Variants in WDFY4 observed in about 807,000 individuals in gnomAD.
WDFY4 encodes WD repeat- and FYVE domain-containing protein 4.
A neutral mutation model predicts 351.9 loss-of-function variants in WDFY4; 169 were observed. The observed-to-expected ratio is 0.48, with a 90% CI of 0.42 to 0.55. The LOEUF (loss-of-function observed/expected upper bound fraction) is 0.55. Ranked by LOEUF, WDFY4 falls within the 20% of genes least tolerant of loss-of-function variation. The pLI is 0.00. For missense variants in WDFY4, 3,803 were observed against 3,935.6 expected (o/e 0.97, Z 0.90); for synonymous variants, 1,622 against 1,574.6 (o/e 1.03, Z -0.71).
At chr10:48,914,199 G>A (rs753788763) in intron 47 of WDFY4, 19 of 1,570,384 alleles carry the variant, frequency 1.2e-5, no homozygotes, top group Admixed American at 1.8e-5. Context: ...GTTCTGATTG[G>A]ATAGTGATCA....
At chr10:48,760,481 G>C in intron 13 of WDFY4, 41 bp downstream of exon 13, 1 of 1,538,586 alleles carries the variant, frequency 6.5e-7, no homozygotes, top group Non-Finnish European at 8.8e-7. Context: ...ATCTTCACAT[G>C]ACTGATCTCT....
chr10:48,800,661 T>G (rs916423273), intron 24 of WDFY4, among the ~76,000 whole-genome samples: 2 of 151,056 alleles, frequency 1.3e-5, no homozygotes, highest in Non-Finnish European at 3.0e-5. Flanking sequence ...TTCTAAGTCT[T>G]AGGTTTTGGT....
intron 32 of WDFY4, among the ~76,000 whole-genome samples, chr10:48,819,668 A>G (rs1257604701): frequency 1.3e-5 from 2 of 152,168 alleles, no homozygotes; most frequent in Admixed American, 1.3e-4. Context: ...AAAATAGTGG[A>G]TGCCAAAGTG....
At chr10:48,835,270 A>AG (rs1007632040) in intron 39 of WDFY4, among the ~76,000 whole-genome samples, 42 of 152,208 alleles carry the variant, frequency 2.8e-4, no homozygotes, top group African/African-American at 9.6e-4. Context: ...TAAGGCAGGG[A>AG]GGGGGGCGAG....
chr10:48,810,465 T>C (rs1436856961), intron 28 of WDFY4, 65 bp from the exon 29 acceptor site: 4 of 1,450,930 alleles, frequency 2.8e-6, no homozygotes, highest in African/African-American at 2.9e-5. Context: ...GGACATTTCA[T>C]ATTTTCTGGA....
chr10:48,845,294 C>T (rs375633160), intron 39 of WDFY4, among the ~76,000 whole-genome samples: 1 of 152,212 alleles, frequency 6.6e-6, no homozygotes, highest in East Asian at 1.9e-4. Context: ...CTACCAAACC[C>T]CTGTCCCCAC....
intron 57 of WDFY4, among the ~76,000 whole-genome samples, chr10:48,971,687 A>G (rs540183759): frequency 1.3e-4 from 20 of 152,118 alleles, no homozygotes. Flanking sequence ...CAGGGCATGG[A>G]GGGTGCTGCG....
At chr10:48,835,304 G>A (rs1203861917) in intron 39 of WDFY4, among the ~76,000 whole-genome samples, 1 of 152,210 alleles carries the variant, frequency 6.6e-6, no homozygotes, top group Non-Finnish European at 1.5e-5. Flanking sequence ...TTGTTCAGAT[G>A]GAGAAGGTCA....
chr10:48,899,605 C>T (rs900027922), intron 45 of WDFY4, among the ~76,000 whole-genome samples: 4 of 152,030 alleles, frequency 2.6e-5, no homozygotes, highest in African/African-American at 9.7e-5. Context: ...CTCACTCTAT[C>T]TCTTATTCCA....
intron 47 of WDFY4, among the ~76,000 whole-genome samples, chr10:48,934,383 A>T (rs956047253): frequency 6.6e-6 from 1 of 152,218 alleles, no homozygotes; most frequent in Non-Finnish European, 1.5e-5. Flanking sequence ...ACTGCCTGAC[A>T]TGTCGATTTT....
intron 39 of WDFY4, among the ~76,000 whole-genome samples, chr10:48,833,544 A>G (rs2068271657): frequency 6.6e-6 from 1 of 152,218 alleles, no homozygotes; most frequent in Admixed American, 6.5e-5. Flanking sequence ...ATTCTGCCCA[A>G]GTTCAAGGGA....
intron 53 of WDFY4, among the ~76,000 whole-genome samples, chr10:48,963,438 G>T (rs185544441): frequency 6.6e-6 from 1 of 152,150 alleles, no homozygotes; most frequent in South Asian, 2.1e-4. Context: ...CTTAGCCTCC[G>T]CCTCCTGACA....
chr10:48,903,275 C>A lies in WDFY4; in HGVS notation c.7586+1412C>A, dbSNP rs548059573. On this transcript the variant is annotated intron_variant, in intron 47 of 61. Coordinates refer to ENST00000325239, the MANE Select transcript of WDFY4 (RefSeq NM_001394531.1). Reference sequence around the variant, plus strand: ...GATAGTTGGTGCAAGATTCTCATGTCGGTTTTTATTCCAAATAGATGGGAA... The same window carrying A: ...GATAGTTGGTGCAAGATTCTCATGTAGGTTTTTATTCCAAATAGATGGGAA... 2.6e-5 allele frequency among the ~76,000 whole-genome samples: 4 copies of A among 152,186 alleles called. No individual in the cohort carries two copies. In the South Asian group the frequency reaches 8.3e-4, roughly 32 times the overall value.
intron 12 of WDFY4, among the ~76,000 whole-genome samples, chr10:48,754,768 C>T (rs972942171): frequency 6.6e-6 from 1 of 152,020 alleles, no homozygotes; most frequent in Non-Finnish European, 1.5e-5. Flanking sequence ...AGTATTTGCT[C>T]AGTTGATTTG....
intron 13 of WDFY4, 58 bp from the exon 14 acceptor site, chr10:48,774,400 A>G: frequency 6.5e-7 from 1 of 1,533,754 alleles, no homozygotes; most frequent in South Asian, 1.2e-5. Flanking sequence ...AGCCTATAAA[A>G]GCTGTCCACA....
rs138371345 is a variant in WDFY4 at position 48,811,438 on chromosome 10, G to T, written c.5045-101G>T. ...ATATTTTATCATCCAGCATTTCTAT[G>T]GGATGGGTGGGTGGCCGGGTGTTCC... On this transcript the variant is annotated intron_variant, in intron 29 of 61. Transcript: ENST00000325239. 195 of 985,544 alleles carry T rather than the reference G, an allele frequency of 2.0e-4. 2 individuals are homozygous for T. The East Asian group carries it at 4.4e-3, about 22-fold the overall frequency. 61.0% of individuals were successfully genotyped at this position (985,544 alleles called of 1,614,324 possible). A position where few individuals can be genotyped will look rare whatever the true frequency, so the allele number is the denominator to read the frequency against.
intron 13 of WDFY4, among the ~76,000 whole-genome samples, chr10:48,769,994 G>A (rs1310794788): frequency 6.6e-6 from 1 of 152,240 alleles, no homozygotes; most frequent in Admixed American, 6.5e-5. Flanking sequence ...TGCGTTGGAA[G>A]TAATATGCGT....
intron 13 of WDFY4, among the ~76,000 whole-genome samples, chr10:48,761,952 T>C (rs2065520750): frequency 6.6e-6 from 1 of 152,234 alleles, no homozygotes; most frequent in Non-Finnish European, 1.5e-5. Flanking sequence ...CTCTCAAGGA[T>C]GCCCAGTTGT....
chr10:48,808,896 C>T (rs2067346463), intron 28 of WDFY4, among the ~76,000 whole-genome samples: 1 of 152,170 alleles, frequency 6.6e-6, no homozygotes, highest in Non-Finnish European at 1.5e-5. Context: ...GCCCTGTATG[C>T]CTCTCTCTAC....
Sources: gnomAD v4.1 joint callset for allele counts (sites outside exome capture counted in the v4.1 genomes callset) on GRCh38, gnomAD v4.1.1 for gene constraint, MANE v1.5 for transcripts, NCBI Gene and HGNC (gene_info 2026-07-23, HGNC 2026-07-21) for gene names.